TSHZ2: variants seen among roughly 807,000 people sequenced by gnomAD.
The protein encoded by TSHZ2 is teashirt zinc finger homeobox 2, also known as teashirt homolog 2.
Under a neutral mutation model 74.4 loss-of-function variants are expected in TSHZ2, and 21 were observed. The observed-to-expected ratio is 0.28, with a 90% CI of 0.20 to 0.41. The LOEUF (loss-of-function observed/expected upper bound fraction) is 0.41. Ranked by LOEUF, TSHZ2 falls within the 10% of genes least tolerant of loss-of-function variation. The pLI, the probability that TSHZ2 is intolerant of heterozygous loss-of-function variation, is 1.00. For synonymous variants in TSHZ2, 540 were observed against 515.3 expected (o/e 1.05, Z -0.65); for missense variants, 1,244 against 1,293.5 (o/e 0.96, Z 0.59).
chr20:53,225,655 C>T (rs773039850), intron 1 of TSHZ2, among the ~76,000 whole-genome samples: 10 of 152,176 alleles, frequency 6.6e-5, no homozygotes, highest in African/African-American at 1.2e-4. Flanking sequence ...GTTTTACAGC[C>T]GAAGAAACTG....
Position 53,074,239 on chromosome 20 carries a change from T to C in TSHZ2, c.40+100906T>C, listed in dbSNP as rs1210098003. ...TTCTTCCTTTGAGTAAGAAGTTAAA[T>C]GTTTCACTTTCTTCTCACAATACCC... is the stretch of plus-strand genomic sequence containing the variant. On this transcript the variant is annotated intron_variant, in intron 1 of 2. Transcript: ENST00000371497. This position sits in a 1 kb window ranked among gnomAD's most constrained non-coding sequence, Gnocchi z 5.9. Among the ~76,000 whole-genome samples, 2 of 152,244 alleles carry C rather than the reference T, an allele frequency of 1.3e-5. No homozygotes were observed. The highest frequency in any genetic ancestry group is 2.9e-5 in the Non-Finnish European group (2 of 68,034).
intron 1 of TSHZ2, among the ~76,000 whole-genome samples, chr20:53,171,151 C>A (rs914493530): frequency 6.6e-6 from 1 of 152,172 alleles, no homozygotes; most frequent in Non-Finnish European, 1.5e-5. Flanking sequence ...GCCCTCGATC[C>A]GAAAGCCTTA....
chr20:53,331,034 T>C (rs1173915308), intron 2 of TSHZ2, among the ~76,000 whole-genome samples: 2 of 152,202 alleles, frequency 1.3e-5, no homozygotes, highest in Non-Finnish European at 2.9e-5. Context: ...TGAATTATAT[T>C]ATAACCAACT....
intron 1 of TSHZ2, among the ~76,000 whole-genome samples, chr20:53,134,414 G>A (rs778236392): frequency 2.6e-5 from 4 of 152,188 alleles, no homozygotes; most frequent in Non-Finnish European, 4.4e-5. Context: ...ACTGTAGAAT[G>A]TTTAGTGTTC....
chr20:53,247,117 AGAG>A (rs1282693707), intron 1 of TSHZ2, among the ~76,000 whole-genome samples: 1 of 152,242 alleles, frequency 6.6e-6, no homozygotes, highest in Non-Finnish European at 1.5e-5. Context: ...ACTTTCAGAC[AGAG>A]GAGGGAGCAA....
At chr20:53,391,294 C>G (rs1300670169) in intron 2 of TSHZ2, among the ~76,000 whole-genome samples, 1 of 151,968 alleles carries the variant, frequency 6.6e-6, no homozygotes, top group Admixed American at 6.6e-5. Flanking sequence ...CTACAGGCAC[C>G]CGCCACCACA....
intron 1 of TSHZ2, among the ~76,000 whole-genome samples, chr20:53,129,476 T>C (rs749474596): frequency 1.3e-5 from 2 of 152,218 alleles, no homozygotes; most frequent in Admixed American, 1.3e-4. Context: ...CAAAATAGTG[T>C]GTACATTATA....
In TSHZ2 at chr20:53,072,663, CCTT is replaced by C. The variant is rs1985212206; in HGVS notation, c.40+99333_40+99335del. On this transcript the variant is annotated intron_variant, in intron 1 of 2. Coordinates refer to ENST00000371497, the MANE Select transcript of TSHZ2 (RefSeq NM_173485.6). ...AATAACTGATTTGGCTTCATTTTCT[CCTT>C]CTCATTTGGGTGTTTTGACACCATC... is the stretch of plus-strand genomic sequence containing the variant. Among the ~76,000 whole-genome samples the C allele has an allele frequency of 5.3e-5, 8 of 152,268 alleles. No homozygotes were observed. In the South Asian group the frequency reaches 1.7e-3, roughly 32 times the overall value.
intron 1 of TSHZ2, among the ~76,000 whole-genome samples, chr20:53,213,319 C>T (rs1199822227): frequency 2.0e-5 from 3 of 152,082 alleles, no homozygotes; most frequent in African/African-American, 7.2e-5. Flanking sequence ...TCTGAAGAAA[C>T]ATGACAATTT....
At chr20:53,058,077 A>T (rs1029791928) in intron 1 of TSHZ2, among the ~76,000 whole-genome samples, 2 of 152,154 alleles carry the variant, frequency 1.3e-5, no homozygotes, top group African/African-American at 4.8e-5. Context: ...AGGATCGCAC[A>T]ACGTAGATCC....
chr20:53,353,364 A>G lies in TSHZ2; in HGVS notation c.*8+96793A>G, dbSNP rs527593711. On this transcript the variant is annotated intron_variant, in intron 2 of 2. Transcript: ENST00000371497. The stretch of plus-strand genomic sequence containing the variant: ...TGCCCATTCTCAATATTTTGTTTGT[A>G]TTTCTCATATGTGTGTACACATACA... Among the ~76,000 whole-genome samples the G allele has an allele frequency of 7.9e-5, 12 of 152,296 alleles. No individual in the cohort carries two copies. In the East Asian group the frequency reaches 2.3e-3, roughly 29 times the overall value.
chr20:53,204,250 CATATGATGATATGAT>C, intron 1 of TSHZ2, among the ~76,000 whole-genome samples: 1 of 133,252 alleles, frequency 7.5e-6, no homozygotes, highest in Non-Finnish European at 1.6e-5. Context: ...ACTATATCAT[CATATGATGATATGAT>C]ACTATATCAT....
intron 2 of TSHZ2, among the ~76,000 whole-genome samples, chr20:53,426,246 C>T (rs1025216800): frequency 2.0e-5 from 3 of 152,174 alleles, no homozygotes; most frequent in African/African-American, 7.2e-5. Flanking sequence ...GAGGAAAGTC[C>T]TCAAGTTGTA....
At chr20:53,127,255 A>G (rs1986972198) in intron 1 of TSHZ2, among the ~76,000 whole-genome samples, 1 of 152,266 alleles carries the variant, frequency 6.6e-6, no homozygotes, top group Non-Finnish European at 1.5e-5. Context: ...ATATTCAATG[A>G]GACAGAAAAG....
chr20:53,115,871 A>G (rs1484097783), intron 1 of TSHZ2, among the ~76,000 whole-genome samples: 1 of 152,130 alleles, frequency 6.6e-6, no homozygotes, highest in African/African-American at 2.4e-5. Context: ...GATTAAAATT[A>G]GAAATTATGG....
intron 2 of TSHZ2, among the ~76,000 whole-genome samples, chr20:53,437,149 G>A (rs1984114858): frequency 6.6e-6 from 1 of 152,164 alleles, no homozygotes; most frequent in Non-Finnish European, 1.5e-5. Flanking sequence ...AATCACGTGT[G>A]TGTTAGGACT....
intron 2 of TSHZ2, among the ~76,000 whole-genome samples, chr20:53,372,965 G>A (rs1600836194): frequency 6.6e-6 from 1 of 151,978 alleles, no homozygotes; most frequent in East Asian, 2.0e-4. Context: ...TACCTTTCCA[G>A]CCACATTCCA....
chr20:53,078,022 C>T (rs1310791312), intron 1 of TSHZ2, among the ~76,000 whole-genome samples: 1 of 152,188 alleles, frequency 6.6e-6, no homozygotes, highest in East Asian at 1.9e-4. Context: ...TCAACTTCTC[C>T]AATTTACTGA....
chr20:53,068,211 C>A (rs1162701145), intron 1 of TSHZ2, among the ~76,000 whole-genome samples: 3 of 152,310 alleles, frequency 2.0e-5, no homozygotes, highest in East Asian at 1.9e-4. Flanking sequence ...AGAACTTCAA[C>A]TTTTCTTTTC....
Sources: allele counts gnomAD v4.1 joint callset (sites outside exome capture counted in the v4.1 genomes callset), GRCh38; gene constraint gnomAD v4.1.1; non-coding constraint Gnocchi (gnomAD v3.1); transcripts MANE v1.5; gene names NCBI Gene and HGNC (gene_info 2026-07-23, HGNC 2026-07-21).